KCNK18: variants seen among roughly 807,000 people sequenced by gnomAD.
KCNK18 encodes potassium two pore domain channel subfamily K member 18, also known as potassium channel subfamily K member 18.
KCNK18 carries 8 observed loss-of-function variants against 11.8 expected under a neutral mutation model. The observed-to-expected ratio is 0.68, with a 90% CI of 0.40 to 1.22. The LOEUF (loss-of-function observed/expected upper bound fraction) is 1.22, where lower values mean the gene tolerates loss of function less well. KCNK18 is among the 50% of genes most tolerant of loss of function. The pLI, the probability that KCNK18 is intolerant of heterozygous loss-of-function variation, is 0.01. For missense variants in KCNK18, 442 were observed against 465.4 expected, an observed-to-expected ratio of 0.95 and a Z score of 0.46; for synonymous variants, 208 against 185.8, an observed-to-expected ratio of 1.12 and a Z score of -0.97.
At chr10:117,209,437 T>G (rs1855114924) in intron 2 of KCNK18, 60 bp from the exon 3 acceptor site, 17 of 1,408,800 alleles carry the variant, frequency 1.2e-5, no homozygotes, top group Non-Finnish European at 1.7e-5. Flanking sequence ...TCTTTAAAGC[T>G]TTTGGGGGGA....
At chr10:117,208,597 A>G (rs927556903) in intron 2 of KCNK18, among the ~76,000 whole-genome samples, 2 of 152,124 alleles carry the variant, frequency 1.3e-5, no homozygotes, top group Admixed American at 6.6e-5. Context: ...CTAAGCCACA[A>G]ATGGCTCTGA....
chr10:117,206,580 C>G (rs1379952205), intron 2 of KCNK18, among the ~76,000 whole-genome samples: 4 of 152,138 alleles, frequency 2.6e-5, no homozygotes, highest in African/African-American at 9.7e-5. Context: ...AGGCACTCCC[C>G]CATCTGCCAT....
At chr10:117,205,408 T>A (rs1339941806) in intron 2 of KCNK18, among the ~76,000 whole-genome samples, 1 of 152,224 alleles carries the variant, frequency 6.6e-6, no homozygotes, top group Non-Finnish European at 1.5e-5. Flanking sequence ...TGTGACATAT[T>A]GCATATTTTG....
At chr10:117,202,886 CTTT>C (rs201850637) in intron 2 of KCNK18, among the ~76,000 whole-genome samples, 6,764 of 122,380 alleles carry the variant, frequency 0.055, 268 homozygotes, top group Admixed American at 0.13. Flanking sequence ...TGCCTGAATG[CTTT>C]TTTTTTTTTT....
At chr10:117,205,034 C>A (rs780336490) in intron 2 of KCNK18, among the ~76,000 whole-genome samples, 1 of 152,200 alleles carries the variant, frequency 6.6e-6, no homozygotes. Flanking sequence ...CCGCACTGTC[C>A]ATAATCAATA....
At chr10:117,206,404 T>C (rs1296955517) in intron 2 of KCNK18, among the ~76,000 whole-genome samples, 1 of 152,156 alleles carries the variant, frequency 6.6e-6, no homozygotes, top group East Asian at 1.9e-4. Flanking sequence ...ACACTTGTAA[T>C]GGTACCTAGG....
In KCNK18 at chr10:117,202,847, C is replaced by T. The variant is rs142702239; in HGVS notation, c.352+1560C>T. Among the ~76,000 whole-genome samples, 135 of 149,394 alleles carry T rather than the reference C, an allele frequency of 9.0e-4. 2 individuals carry two copies. Among genetic ancestry groups the T allele is most frequent in the African/African-American group, 3.1e-3 (125 of 40,652 alleles). Reference sequence around the variant, plus strand: ...ATAGCCACACAGCCCCAGGAGGGCTCTCACAGCCCCCACGTGGTTTCTCCC... The same window carrying T: ...ATAGCCACACAGCCCCAGGAGGGCTTTCACAGCCCCCACGTGGTTTCTCCC... On this transcript the variant is annotated intron_variant, in intron 2 of 2. Transcript: ENST00000334549.
intron 1 of KCNK18, among the ~76,000 whole-genome samples, chr10:117,200,936 C>G (rs971321435): frequency 6.6e-6 from 1 of 152,210 alleles, no homozygotes; most frequent in African/African-American, 2.4e-5. Flanking sequence ...GTGCTCTTCT[C>G]ACAGGGCTAA....
At position 117,197,510 on chromosome 10, in the gene KCNK18, C is replaced by A. The variant is rs769065992; in HGVS notation, c.22C>A (p.Gln8Lys). 8.1e-6 allele frequency: 13 copies of A among 1,613,516 alleles called. No homozygotes were observed. The South Asian group carries it at 1.4e-4, about 18-fold the overall frequency. The change falls in exon 1 of 3, where the codon CAG becomes AAG. Residue 8 changes from glutamine to lysine, a missense_variant. Gln to Lys is a moderately conservative substitution (Grantham distance 53, BLOSUM62 1). Coordinates refer to ENST00000334549, the MANE Select transcript of KCNK18 (RefSeq NM_181840.1). MEVSGHP[Q>K]ARRCCPEALG... is the part of the protein sequence containing the mutation. ...GACGATGGAGGTCTCGGGGCACCCC[C>A]AGGCCAGGAGATGCTGCCCAGAGGC...
At chr10:117,202,262 G>T (rs1455885428) in intron 2 of KCNK18, among the ~76,000 whole-genome samples, 1 of 152,214 alleles carries the variant, frequency 6.6e-6, no homozygotes, top group African/African-American at 2.4e-5. Flanking sequence ...GCCCCTCTGA[G>T]CCTTGTACTG....
chr10:117,207,855 G>T (rs1350381852), intron 2 of KCNK18, among the ~76,000 whole-genome samples: 2 of 152,196 alleles, frequency 1.3e-5, no homozygotes, highest in African/African-American at 2.4e-5. Flanking sequence ...ATTGGGCTGG[G>T]TTTTTCTGTA....
Position 117,197,552 on chromosome 10 carries a change from C to T in KCNK18, c.64C>T (p.Pro22Ser). Residue 22 changes from proline (P) to serine (S), a missense_variant, in exon 1 of 3, where the codon CCT becomes TCT. By Grantham distance (74) the Pro-to-Ser change is moderately conservative (BLOSUM62 -1). Transcript: ENST00000334549. ...CCPEALGKLF[P>S]GLCFLCFLVT... ...CCCAGAGGCCCTGGGAAAGCTCTTC[C>T]CTGGCCTCTGCTTCCTCTGCTTTCT... 6.2e-7 allele frequency: 1 copy of T among 1,614,234 alleles called. No individual in the cohort carries two copies.
In KCNK18 at chr10:117,209,970, G is replaced by A. The variant is rs761885569; in HGVS notation, c.826G>A (p.Val276Met). Reference sequence around the variant, plus strand: ...CAACCTGGATGAAGTTGGACAGCAGGTGGAGAGGTTGGACATCCCCCTCCC... The same window carrying A: ...CAACCTGGATGAAGTTGGACAGCAGATGGAGAGGTTGGACATCCCCCTCCC... The part of the protein sequence containing the change: ...ISNLDEVGQQ[V>M]ERLDIPLPII... The change falls in exon 3 of 3, where the codon GTG (valine) becomes ATG (methionine). Residue 276 changes from valine (V) to methionine (M), a missense_variant. Physicochemically the swap from Val to Met is conservative, Grantham distance 21. Transcript: ENST00000334549. The A allele has an allele frequency of 6.2e-7, 1 of 1,614,194 alleles. No homozygotes were observed. Among genetic ancestry groups the A allele is most frequent in the African/African-American group, 1.3e-5 (1 of 75,050 alleles).
intron 1 of KCNK18, among the ~76,000 whole-genome samples, chr10:117,198,090 G>T (rs1369303215): frequency 6.6e-6 from 1 of 152,144 alleles, no homozygotes; most frequent in Admixed American, 6.5e-5. Context: ...GGCTGGGGTT[G>T]GGGGGCTAGC....
At chr10:117,209,424 G>T (rs1589968395) in intron 2 of KCNK18, 73 bp from the exon 3 acceptor site, 1 of 1,200,580 alleles carries the variant, frequency 8.3e-7, no homozygotes, top group Non-Finnish European at 1.2e-6. Flanking sequence ...ATGGCAGAAG[G>T]TCTCTTTAAA....
intron 1 of KCNK18, 114 bp from the exon 2 acceptor site, chr10:117,201,045 C>T (rs755349981): frequency 1.1e-4 from 142 of 1,319,346 alleles, no homozygotes; most frequent in Non-Finnish European, 1.5e-4. Context: ...TTGATACTGA[C>T]CACAAGGCAA....
chr10:117,200,569 AG>A (rs1820871363), intron 1 of KCNK18, among the ~76,000 whole-genome samples: 1 of 152,100 alleles, frequency 6.6e-6, no homozygotes, highest in South Asian at 2.1e-4. Context: ...GCCCTTTGGG[AG>A]GCTGAGGCAG....
At chr10:117,204,554 T>C (rs1678039) in intron 2 of KCNK18, among the ~76,000 whole-genome samples, 102,244 of 152,060 alleles carry the variant, frequency 0.67, 35,240 homozygotes, top group Middle Eastern at 0.79. Context: ...ATTGCAATGG[T>C]TGTCAAAATG....
At chr10:117,207,314 C>G (rs1017854437) in intron 2 of KCNK18, among the ~76,000 whole-genome samples, 1 of 152,090 alleles carries the variant, frequency 6.6e-6, no homozygotes, top group Non-Finnish European at 1.5e-5. Flanking sequence ...CAGGTGTGAG[C>G]CATTGCGCAT....
Sources: allele counts gnomAD v4.1 joint callset (sites outside exome capture counted in the v4.1 genomes callset), GRCh38; gene constraint gnomAD v4.1.1; transcripts MANE v1.5; gene names NCBI Gene and HGNC (gene_info 2026-07-23, HGNC 2026-07-21).